CEP290: variants seen among roughly 807,000 people sequenced by gnomAD.
CEP290 encodes centrosomal protein of 290 kDa.
A neutral mutation model predicts 344.9 loss-of-function variants in CEP290; 317 were observed. The ratio of observed to expected loss-of-function variants is 0.92; its 90% CI spans 0.84 to 1.01. The LOEUF is 1.01. CEP290 is among the 50% of genes least tolerant of loss of function. The pLI is 0.00. For missense variants in CEP290, 2,754 were observed against 2,761.4 expected, an observed-to-expected ratio of 1.00 and a Z score of 0.06; for synonymous variants, 932 against 895.8, an observed-to-expected ratio of 1.04 and a Z score of -0.72.
At chr12:88,059,155 C>T in intron 48 of CEP290, 135 bp from the exon 49 acceptor site, 1 of 643,384 alleles carries the variant, frequency 1.6e-6, no homozygotes, top group Non-Finnish European at 2.5e-6. Context: ...AAAATTTCAA[C>T]AAATTCAACA....
intron 41 of CEP290, 33 bp from the exon 42 acceptor site, chr12:88,071,959 C>T (rs756200002): frequency 3.3e-6 from 5 of 1,519,670 alleles, no homozygotes; most frequent in Middle Eastern, 1.7e-4. Flanking sequence ...AGGAAAATTA[C>T]CAGTGTTATT....
At chr12:88,058,164 A>G (rs2034170211) in intron 49 of CEP290, 1 of 152,272 alleles carries the variant, frequency 6.6e-6, no homozygotes, top group South Asian at 2.1e-4. Context: ...CATCACAGTC[A>G]TGATGAACCA....
Position 88,050,381 on chromosome 12 carries a change from C to T in CEP290, c.7182G>A (p.Met2394Ile). The T allele has an allele frequency of 6.4e-7, 1 of 1,556,056 alleles. No individual in the cohort carries two copies. Reference protein sequence around the residue: ...KIKDLETQLKMSDLEKQHLKE... With the variant: ...KIKDLETQLKISDLEKQHLKE... Reference sequence around the variant, plus strand: ...TCAAATGCTGCTTTTCTAGATCTGACATTTTGAGCTGTGTCTCTAGATCTT... The same window carrying T: ...TCAAATGCTGCTTTTCTAGATCTGATATTTTGAGCTGTGTCTCTAGATCTT... The change falls in exon 53 of 54, where the codon ATG becomes ATA. Residue 2394 changes from methionine (M) to isoleucine (I), a missense_variant. Physicochemically the swap from Met to Ile is conservative, Grantham distance 10 (BLOSUM62 1). Transcript: ENST00000552810.
At chr12:88,061,957 T>G (rs556781244) in intron 46 of CEP290, among the ~76,000 whole-genome samples, 1 of 152,162 alleles carries the variant, frequency 6.6e-6, no homozygotes, top group South Asian at 2.1e-4. Context: ...TTTCATATTT[T>G]TAGTAGAGAT....
chr12:88,130,155 G>A, intron 9 of CEP290, 113 bp downstream of exon 9: 1 of 1,113,470 alleles, frequency 9.0e-7, no homozygotes, highest in Non-Finnish European at 1.3e-6. Context: ...CAAGTACATA[G>A]TGACAGATTT....
chr12:88,134,123 G>T (rs1325125404), intron 6 of CEP290, among the ~76,000 whole-genome samples: 1 of 152,070 alleles, frequency 6.6e-6, no homozygotes, highest in African/African-American at 2.4e-5. Context: ...TTTTGAATAT[G>T]CCCAGAAGAA....
Position 88,055,627 on chromosome 12 carries a change from T to G in CEP290, c.6909A>C (p.Ala2303=), listed in dbSNP as rs774138995. ...TGTTAACTTTTTGTTCTCTCTCTGT[T>G]GCTTCTTTTACAAGCTGTTTAAGGT... ...ITDLKQLVKE[A]TEREQKVNKY... is the part of the protein sequence containing the mutation. Residue 2303 remains alanine (A), a synonymous_variant, in exon 50 of 54, where the codon GCA becomes GCC. Transcript: ENST00000552810. 11 of 1,577,686 alleles carry G rather than the reference T, an allele frequency of 7.0e-6. No individual in the cohort carries two copies. The African/African-American group carries it at 1.5e-4, about 21-fold the overall frequency.
At chr12:88,082,900 G>A (rs1408110837) in intron 37 of CEP290, 131 bp downstream of exon 37, 4 of 572,742 alleles carry the variant, frequency 7.0e-6, no homozygotes, top group African/African-American at 5.9e-5. Flanking sequence ...GTAACCAGCA[G>A]TCCTGAGGAT....
intron 43 of CEP290, among the ~76,000 whole-genome samples, chr12:88,069,767 G>C (rs1057275846): frequency 6.6e-6 from 1 of 152,130 alleles, no homozygotes; most frequent in African/African-American, 2.4e-5. Flanking sequence ...ACAGACTAAT[G>C]AATGGTAATT....
At chr12:88,140,884 C>T in intron 3 of CEP290, 72 bp downstream of exon 3, 1 of 953,776 alleles carries the variant, frequency 1.0e-6, no homozygotes, top group Non-Finnish European at 1.6e-6. Flanking sequence ...ACAAAGATTA[C>T]CTTATATAAG....
rs946073497 is a variant in CEP290, at chr12:88,116,152, C to G, written c.1824+881G>C. ...CTTTTTTGTACAAAACTAGTCTTCTCTAGTGCTTGATGGCTTCTTGACACC... is the reference window on the plus strand; with the variant it reads ...CTTTTTTGTACAAAACTAGTCTTCTGTAGTGCTTGATGGCTTCTTGACACC... On this transcript the variant is annotated intron_variant, in intron 18 of 53. Transcript: ENST00000552810. 4 of 682,564 alleles carry G rather than the reference C, an allele frequency of 5.9e-6. No individual in the cohort carries two copies. The African/African-American group carries it at 7.8e-5, about 13-fold the overall frequency. The allele number at this position is 682,564 out of a possible 1,614,324, so 42.3% of individuals were successfully genotyped here.
At chr12:88,052,742 A>G (rs2033663140) in intron 52 of CEP290, among the ~76,000 whole-genome samples, 1 of 152,150 alleles carries the variant, frequency 6.6e-6, no homozygotes. Context: ...GGTAAATTCT[A>G]TTTATTTACA....
chr12:88,058,762 G>T, intron 49 of CEP290, 86 bp downstream of exon 49: 1 of 1,307,574 alleles, frequency 7.6e-7, no homozygotes, highest in East Asian at 2.4e-5. Context: ...GAAGAAACCA[G>T]GTTATCCAGA....
chr12:88,097,103 A>G, intron 26 of CEP290, 104 bp from the exon 27 acceptor site: 3 of 648,490 alleles, frequency 4.6e-6, no homozygotes, highest in Admixed American at 3.3e-5. Context: ...AAAACTCACA[A>G]TCCAGTTTTT....
chr12:88,140,203 A>G (rs369125023), intron 3 of CEP290, among the ~76,000 whole-genome samples: 17 of 151,974 alleles, frequency 1.1e-4, no homozygotes, highest in African/African-American at 4.1e-4. Context: ...TTCTGTTCCA[A>G]TTGCTATTAT....
intron 6 of CEP290, among the ~76,000 whole-genome samples, chr12:88,132,703 G>T (rs1040735472): frequency 3.9e-5 from 6 of 152,114 alleles, no homozygotes; most frequent in Admixed American, 6.6e-5. Context: ...TCTATATGAA[G>T]GGTATGTGGG....
At position 88,106,790 on chromosome 12, in the gene CEP290, G is replaced by A; in HGVS notation, c.2702C>T (p.Thr901Ile). Residue 901 changes from threonine to isoleucine, a missense_variant, in exon 25 of 54, where the codon ACA becomes ATA. Thr to Ile is a moderately conservative substitution (Grantham distance 89). Transcript: ENST00000552810. ...TTGTCGCTCCAATTCTACTAAGGTT[G>A]TATATTGCCTTATAAGTGATTTTTC... ...VNEKSLIRQY[T>I]TLVELERQLR... The A allele has an allele frequency of 6.2e-7, 1 of 1,609,452 alleles. No individual in the cohort carries two copies. The highest frequency in any genetic ancestry group is 8.5e-7 in the Non-Finnish European group (1 of 1,177,268).
At chr12:88,108,686 T>G (rs1173594013) in intron 23 of CEP290, among the ~76,000 whole-genome samples, 3 of 152,218 alleles carry the variant, frequency 2.0e-5, no homozygotes, top group Non-Finnish European at 4.4e-5. Context: ...TGTTCATATG[T>G]GCCACACACT....
In CEP290 at chr12:88,077,984, T is replaced by C. The variant is rs181738053; in HGVS notation, c.5365-66A>G. On this transcript the variant is annotated intron_variant, in intron 39 of 53. Coordinates refer to ENST00000552810, the MANE Select transcript of CEP290 (RefSeq NM_025114.4). ...AGAAGTATCAATGATAAAAGGAACA[T>C]AAAACAGAAAATATACCATTATAAG... 3.0e-4 allele frequency: 211 copies of C among 695,994 alleles called. 1 individual carries two copies. In the African/African-American group the frequency reaches 3.7e-3, roughly 12 times the overall value. The allele number at this position is 695,994 out of a possible 1,614,324, so 43.1% of individuals were successfully genotyped here.
Sources: gnomAD v4.1 joint callset for allele counts (sites outside exome capture counted in the v4.1 genomes callset) on GRCh38, gnomAD v4.1.1 for gene constraint, MANE v1.5 for transcripts, NCBI Gene and HGNC (gene_info 2026-07-23, HGNC 2026-07-21) for gene names.